Variants in ZNF808 observed in about 807,000 individuals in gnomAD.
ZNF808 encodes zinc finger protein 808.
In ZNF808, 5 loss-of-function variants were observed where a neutral mutation model predicts 8.7. The observed-to-expected ratio is 0.58, with a 90% confidence interval of 0.30 to 1.21. The LOEUF (loss-of-function observed/expected upper bound fraction) is 1.21, where lower values mean the gene tolerates loss of function less well. ZNF808 is among the 50% of genes most tolerant of loss of function. ZNF808 has a pLI of 0.07. For synonymous variants in ZNF808, 380 were observed against 366.0 expected, an observed-to-expected ratio of 1.04 and a Z score of -0.44; for missense variants, 1,103 against 1,098.4, an observed-to-expected ratio of 1.00 and a Z score of -0.06.
At chr19:52,543,830 G>A (rs1289856819) in intron 3 of ZNF808, among the ~76,000 whole-genome samples, 1 of 147,282 alleles carries the variant, frequency 6.8e-6, no homozygotes, top group African/African-American at 2.6e-5. Flanking sequence ...AGATCAAGAT[G>A]TCTCTGTGTC....
At chr19:52,547,149 C>T (rs757711696) in intron 3 of ZNF808, among the ~76,000 whole-genome samples, 32 of 151,918 alleles carry the variant, frequency 2.1e-4, no homozygotes, top group African/African-American at 4.8e-4. Flanking sequence ...GTTTTCACCA[C>T]GTTGACCAGG....
intron 2 of ZNF808, among the ~76,000 whole-genome samples, chr19:52,542,097 ATT>A (rs60838690): frequency 6.8e-6 from 1 of 146,360 alleles, no homozygotes; most frequent in Non-Finnish European, 1.5e-5. Context: ...ATCACTTCCA[ATT>A]TTTTTTTTTT....
intron 1 of ZNF808, 148 bp downstream of exon 1, chr19:52,527,859 G>A (rs974198403): frequency 6.6e-6 from 1 of 152,630 alleles, no homozygotes; most frequent in Admixed American, 6.5e-5. Context: ...GAGAGGCCGG[G>A]TGTCGCTTCC....
At chr19:52,562,149 T>C (rs920144559) in intron 3 of ZNF808, among the ~76,000 whole-genome samples, 1 of 152,028 alleles carries the variant, frequency 6.6e-6, no homozygotes, top group African/African-American at 2.4e-5. Context: ...AGGCTGAGAC[T>C]GGTGGATCAC....
At chr19:52,539,850 G>C (rs1388336458) in intron 2 of ZNF808, among the ~76,000 whole-genome samples, 2 of 151,586 alleles carry the variant, frequency 1.3e-5, no homozygotes, top group African/African-American at 4.8e-5. Context: ...GCTGCGCCCG[G>C]CCTTTGTTAT....
Position 52,554,588 on chromosome 19 carries a change from A to G in ZNF808, c.1672A>G (p.Thr558Ala), listed in dbSNP as rs1294822930. 6.2e-7 allele frequency: 1 copy of G among 1,613,586 alleles called. No homozygotes were observed. The highest frequency in any genetic ancestry group is 1.1e-5 in the South Asian group (1 of 90,940). Reference protein sequence around the residue: ...FMRNSVLAVHTRIHTAKKPYK... With the variant: ...FMRNSVLAVHARIHTAKKPYK... ...GCGTAATTCAGTCCTGGCTGTACAT[A>G]CTAGAATTCACACTGCAAAGAAACC... Residue 558 changes from threonine to alanine, a missense_variant, in exon 5 of 5, where the codon ACT becomes GCT. By Grantham distance (58) the Thr-to-Ala change is moderately conservative. Coordinates refer to ENST00000359798, the MANE Select transcript of ZNF808 (RefSeq NM_001039886.4).
chr19:52,563,671 T>C (rs2059864693), exon 4 of ZNF808: 1 of 153,680 alleles, frequency 6.5e-6, no homozygotes, highest in Admixed American at 6.5e-5. Context: ...GACAAGACAA[T>C]GTTGAAAGTG....
At chr19:52,547,024 T>G (rs1389129267) in intron 3 of ZNF808, among the ~76,000 whole-genome samples, 1 of 149,286 alleles carries the variant, frequency 6.7e-6, no homozygotes, top group Non-Finnish European at 1.5e-5. Flanking sequence ...CTTGGCTCAC[T>G]GCAGCCTCCA....
chr19:52,554,696 C>A lies in ZNF808; in HGVS notation c.1780C>A (p.Pro594Thr). The A allele has an allele frequency of 1.2e-6, 2 of 1,613,754 alleles. No individual in the cohort carries two copies. The highest frequency in any genetic ancestry group is 1.7e-6 in the Non-Finnish European group (2 of 1,179,900). ...RHRRLHTGEK[P>T]YKCEACDKVF... ...TCGTAGACTTCATACTGGAGAGAAACCTTACAAATGTGAAGCATGTGACAA... is the reference window on the plus strand; with the variant it reads ...TCGTAGACTTCATACTGGAGAGAAAACTTACAAATGTGAAGCATGTGACAA... The change falls in exon 5 of 5, where the codon CCT (proline) becomes ACT (threonine). Residue 594 changes from proline (P) to threonine (T), a missense_variant. Transcript: ENST00000359798.
At chr19:52,540,273 G>A (rs1040214753) in intron 2 of ZNF808, among the ~76,000 whole-genome samples, 13 of 152,156 alleles carry the variant, frequency 8.5e-5, no homozygotes, top group Admixed American at 2.6e-4. Context: ...GCCTCCCAAA[G>A]TGCTGGGATT....
intron 3 of ZNF808, among the ~76,000 whole-genome samples, chr19:52,544,409 C>T (rs1057109098): frequency 1.3e-5 from 2 of 152,070 alleles, no homozygotes; most frequent in Non-Finnish European, 2.9e-5. Flanking sequence ...CGGCTCTCTG[C>T]AACCTCCCCC....
At position 52,555,068 on chromosome 19, in the gene ZNF808, A is replaced by G; in HGVS notation, c.2152A>G (p.Asn718Asp). The G allele has an allele frequency of 6.2e-7, 1 of 1,613,988 alleles. No homozygotes were observed. The highest frequency in any genetic ancestry group is 1.1e-5 in the South Asian group (1 of 91,076). Residue 718 changes from asparagine (N) to aspartate (D), a missense_variant, in exon 5 of 5, where the codon AAC (asparagine) becomes GAC (aspartate). Transcript: ENST00000359798. Reference protein sequence around the residue: ...KCNECSKTFSNRSSLVCHRRI... With the variant: ...KCNECSKTFSDRSSLVCHRRI... ...TAATGAGTGCAGCAAGACCTTCAGT[A>G]ACAGGTCATCCCTTGTATGCCATCG...
intron 2 of ZNF808, among the ~76,000 whole-genome samples, chr19:52,539,281 C>T (rs1344600415): frequency 6.8e-6 from 1 of 147,918 alleles, no homozygotes; most frequent in Non-Finnish European, 1.5e-5. Flanking sequence ...GCAACCTCTG[C>T]CTCCTGGGTT....
intron 2 of ZNF808, among the ~76,000 whole-genome samples, chr19:52,536,455 C>T (rs2059612375): frequency 6.6e-6 from 1 of 152,200 alleles, no homozygotes; most frequent in Non-Finnish European, 1.5e-5. Context: ...TCTGCCTGGT[C>T]CTGGAATTCT....
chr19:52,559,434 T>C (rs892352517), downstream of ZNF808, among the ~76,000 whole-genome samples: 8 of 152,118 alleles, frequency 5.3e-5, no homozygotes, highest in African/African-American at 1.2e-4. Context: ...TATTACCTTA[T>C]TGTCCTGCCA....
chr19:52,538,039 T>C (rs933684079), intron 2 of ZNF808, among the ~76,000 whole-genome samples: 3 of 152,006 alleles, frequency 2.0e-5, no homozygotes, highest in East Asian at 3.9e-4. Flanking sequence ...TGAGATAGGG[T>C]CTGGCTCTGT....
intron 1 of ZNF808, among the ~76,000 whole-genome samples, chr19:52,529,734 A>G (rs958585551): frequency 6.6e-6 from 1 of 151,832 alleles, no homozygotes; most frequent in African/African-American, 2.4e-5. Context: ...TAATTAAATG[A>G]TATTTTGAGT....
Position 52,553,166 on chromosome 19 carries a change from G to A in ZNF808, c.250G>A (p.Val84Met). 6.2e-7 allele frequency: 1 copy of A among 1,604,890 alleles called. No homozygotes were observed. Among genetic ancestry groups the A allele is most frequent in the Non-Finnish European group, 8.5e-7 (1 of 1,176,816 alleles). ...GTCAACAGGGCAAGGCAATAGAGAA[G>A]TGATCCACACAGGGACATTGCAAAG... ...VLSTGQGNRE[V>M]IHTGTLQRHQ... Residue 84 changes from valine (V) to methionine (M), a missense_variant, in exon 5 of 5, where the codon GTG becomes ATG. Physicochemically the swap from Val to Met is conservative, Grantham distance 21. Transcript: ENST00000359798.
chr19:52,552,973 T>G (rs2059792322), intron 4 of ZNF808, 134 bp from the exon 5 acceptor site: 1 of 1,299,306 alleles, frequency 7.7e-7, no homozygotes, highest in Non-Finnish European at 1.0e-6. Context: ...CTCACTCTTT[T>G]TGTGTTCCTA....
Sources: allele counts gnomAD v4.1 joint callset (sites outside exome capture counted in the v4.1 genomes callset), GRCh38; gene constraint gnomAD v4.1.1; transcripts MANE v1.5; gene names NCBI Gene and HGNC (gene_info 2026-07-23, HGNC 2026-07-21).